The following DCBLD2 variants were observed in gnomAD, a reference collection of about 807,000 sequenced individuals.
The protein encoded by DCBLD2 is discoidin, CUB and LCCL domain containing 2.
Under a neutral mutation model 86.8 loss-of-function variants are expected in DCBLD2, and 54 were observed. The ratio of observed to expected loss-of-function variants is 0.62; its 90% CI spans 0.50 to 0.78. The LOEUF (loss-of-function observed/expected upper bound fraction) is 0.78. DCBLD2 is among the 30% of genes least tolerant of loss of function. The pLI is 0.00. For missense variants in DCBLD2, 908 were observed against 954.2 expected (o/e 0.95, Z 0.64); for synonymous variants, 354 against 341.3 (o/e 1.04, Z -0.41).
chr3:98,870,745 G>GAAAGAAAGAAAGA lies in DCBLD2; in HGVS notation c.433+10782_433+10794dup, dbSNP rs1553731649. On this transcript the variant is annotated intron_variant, in intron 2 of 15. Coordinates refer to ENST00000326840, the MANE Select transcript of DCBLD2 (RefSeq NM_080927.4). ...GGAAAAGAAAAGAAAGAAAAAGAAA[G>GAAAGAAAGAAAGA]AAAGAAAGAAAGAAAGAAAGAAAGA... Among the ~76,000 whole-genome samples, 227 of 79,642 alleles carry GAAAGAAAGAAAGA rather than the reference G, an allele frequency of 2.9e-3. 8 individuals carry two copies. Among genetic ancestry groups the GAAAGAAAGAAAGA allele is most frequent in the Admixed American group, 5.3e-3 (44 of 8,376 alleles). 52.2% of individuals were successfully genotyped at this position (79,642 alleles called of 152,430 possible). A position where few individuals can be genotyped will look rare whatever the true frequency, so the allele number is the denominator to read the frequency against.
chr3:98,806,271 A>G (rs564330950), intron 13 of DCBLD2, among the ~76,000 whole-genome samples: 3 of 152,362 alleles, frequency 2.0e-5, no homozygotes, highest in South Asian at 2.1e-4. Context: ...TTTTTAAATC[A>G]CTAAAATAAA....
intron 2 of DCBLD2, among the ~76,000 whole-genome samples, chr3:98,862,101 G>A (rs189195573): frequency 2.6e-5 from 4 of 152,032 alleles, no homozygotes; most frequent in South Asian, 2.1e-4. Context: ...ACACCTCTAC[G>A]CAAATAAACA....
intron 3 of DCBLD2, among the ~76,000 whole-genome samples, chr3:98,836,906 T>C (rs1942472043): frequency 4.3e-5 from 3 of 70,166 alleles, no homozygotes; most frequent in Non-Finnish European, 5.9e-5. Flanking sequence ...AGGGGGCGGC[T>C]GGCCGGGCGG....
intron 1 of DCBLD2, among the ~76,000 whole-genome samples, chr3:98,896,304 A>G (rs1177914819): frequency 6.6e-6 from 1 of 152,218 alleles, no homozygotes; most frequent in East Asian, 1.9e-4. Flanking sequence ...AATGAACTGA[A>G]AAATTAGCCT....
At chr3:98,872,943 A>C (rs956147087) in intron 2 of DCBLD2, among the ~76,000 whole-genome samples, 1 of 152,180 alleles carries the variant, frequency 6.6e-6, no homozygotes, top group African/African-American at 2.4e-5. Context: ...ATAAAGACCC[A>C]AAAATATGCA....
chr3:98,887,119 T>C (rs758768678), intron 1 of DCBLD2, among the ~76,000 whole-genome samples: 91 of 152,022 alleles, frequency 6.0e-4, no homozygotes, highest in Non-Finnish European at 1.1e-3. Context: ...TAACAGCAAA[T>C]GCAGGATACA....
intron 1 of DCBLD2, among the ~76,000 whole-genome samples, chr3:98,894,912 A>G (rs971936107): frequency 1.3e-5 from 2 of 152,148 alleles, no homozygotes; most frequent in African/African-American, 4.8e-5. Flanking sequence ...CTTAGAATAC[A>G]GTGTGGAATG....
intron 1 of DCBLD2, among the ~76,000 whole-genome samples, chr3:98,898,763 G>A (rs771705214): frequency 1.5e-4 from 23 of 152,084 alleles, no homozygotes; most frequent in Non-Finnish European, 2.6e-4. Flanking sequence ...ATTCCACCAC[G>A]GGCTGCTTTA....
chr3:98,839,128 T>TTTCCTTCC (rs201694422), intron 3 of DCBLD2, among the ~76,000 whole-genome samples: 4 of 91,834 alleles, frequency 4.4e-5, no homozygotes, highest in Admixed American at 1.9e-4. Context: ...TTTTTCTTTC[T>TTTCCTTCC]TTCCTTCCTT....
intron 1 of DCBLD2, among the ~76,000 whole-genome samples, chr3:98,899,668 CAAGCA>C (rs1173768499): frequency 1.3e-5 from 2 of 152,184 alleles, no homozygotes; most frequent in African/African-American, 2.4e-5. Flanking sequence ...GATCCAGAAA[CAAGCA>C]AAGCAGAGTA....
rs372024093 is a variant in DCBLD2 at position 98,838,719 on chromosome 3, G to C, written c.571+10742C>G. The stretch of plus-strand genomic sequence containing the variant: ...GCGGCTGGGAGGTGTAGGTTGTAGC[G>C]AGCCAAGATCACGCCACTGCACTCC... On this transcript the variant is annotated intron_variant, in intron 3 of 15. Coordinates refer to ENST00000326840, the MANE Select transcript of DCBLD2 (RefSeq NM_080927.4). 2.8e-3 allele frequency among the ~76,000 whole-genome samples: 430 copies of C among 152,226 alleles called. 2 individuals carry two copies. The highest frequency in any genetic ancestry group is 9.7e-3 in the African/African-American group (403 of 41,542).
rs766787172 is a variant in DCBLD2 at position 98,870,720 on chromosome 3, GGAAAA to G, written c.433+10815_433+10819del. Among the ~76,000 whole-genome samples, 52 of 59,508 alleles carry G rather than the reference GGAAAA, an allele frequency of 8.7e-4. 1 individual carries two copies. In the East Asian group the frequency reaches 8.9e-3, roughly 10 times the overall value. The allele number at this position is 59,508 out of a possible 152,430, so 39.0% of individuals were successfully genotyped here. The stretch of plus-strand genomic sequence containing the variant: ...AGAGAGAGAAAAAAAGAAAGAAAAA[GGAAAA>G]GAAAAGAAAGAAAAAGAAAGAAAGA... On this transcript the variant is annotated intron_variant, in intron 2 of 15. Transcript: ENST00000326840.
intron 9 of DCBLD2, chr3:98,814,093 A>T (rs1168890359): frequency 6.6e-6 from 1 of 152,184 alleles, no homozygotes; most frequent in Non-Finnish European, 1.5e-5. Flanking sequence ...TAAATGTTTA[A>T]CTTCTCAATC....
intron 2 of DCBLD2, among the ~76,000 whole-genome samples, chr3:98,876,342 A>G (rs928773752): frequency 6.7e-6 from 1 of 150,252 alleles, no homozygotes; most frequent in Non-Finnish European, 1.5e-5. Flanking sequence ...AGCAATATAG[A>G]AAGACCTGTC....
intron 3 of DCBLD2, among the ~76,000 whole-genome samples, chr3:98,848,758 T>A (rs71311398): frequency 0.061 from 9,313 of 152,298 alleles, 349 homozygotes; most frequent in Non-Finnish European, 0.071. Flanking sequence ...GGATGTGAGA[T>A]CTTATTCTTT....
At chr3:98,861,308 AC>A (rs942354502) in intron 2 of DCBLD2, among the ~76,000 whole-genome samples, 2 of 121,970 alleles carry the variant, frequency 1.6e-5, no homozygotes, top group Admixed American at 7.9e-5. Context: ...TCAGCATTAG[AC>A]AGATCAATGA....
Position 98,805,465 on chromosome 3 carries a change from T to C in DCBLD2, c.1670+2616A>G, listed in dbSNP as rs569514725. The stretch of plus-strand genomic sequence containing the variant: ...TCAATATTAGCCATAGGTTGTACTA[T>C]AAAGGATTTTATACACATAAGTGAC... On this transcript the variant is annotated intron_variant, in intron 13 of 15. Coordinates refer to ENST00000326840, the MANE Select transcript of DCBLD2 (RefSeq NM_080927.4). Among the ~76,000 whole-genome samples the C allele has an allele frequency of 2.0e-4, 31 of 152,344 alleles. No individual in the cohort carries two copies. The South Asian group carries it at 6.2e-3, about 31-fold the overall frequency.
intron 2 of DCBLD2, among the ~76,000 whole-genome samples, chr3:98,878,202 T>G (rs1414999475): frequency 6.6e-6 from 1 of 152,154 alleles, no homozygotes; most frequent in Non-Finnish European, 1.5e-5. Flanking sequence ...ATAGTTACAG[T>G]GTAGAAAACT....
intron 3 of DCBLD2, among the ~76,000 whole-genome samples, chr3:98,838,154 C>G (rs1474372698): frequency 1.9e-4 from 24 of 127,894 alleles, no homozygotes; most frequent in African/African-American, 7.0e-4. Flanking sequence ...CTGACCCCCC[C>G]CACCTCCCTC....
Sources: gnomAD v4.1 joint callset for allele counts (sites outside exome capture counted in the v4.1 genomes callset) on GRCh38, gnomAD v4.1.1 for gene constraint, MANE v1.5 for transcripts, NCBI Gene and HGNC (gene_info 2026-07-23, HGNC 2026-07-21) for gene names.